Variants in NSD1 observed in about 807,000 individuals in gnomAD.
The protein encoded by NSD1 is nuclear receptor binding SET domain protein 1.
A neutral mutation model predicts 242.7 loss-of-function variants in NSD1; 26 were observed. That is an observed-to-expected ratio of 0.11 (90% confidence interval 0.08 to 0.15). The LOEUF (loss-of-function observed/expected upper bound fraction) is 0.15. Among genes scored for constraint, NSD1 ranks in the 10% least tolerant of loss-of-function variants. The pLI, the probability that NSD1 is intolerant of heterozygous loss-of-function variation, is 1.00. For synonymous variants in NSD1, 1,106 were observed against 1,178.1 expected (o/e 0.94, Z 1.25); for missense variants, 2,495 against 3,272.8 (o/e 0.76, Z 5.80).
At position 177,294,685 on chromosome 5, in the gene NSD1, G is replaced by A. The variant is rs1344027961; in HGVS notation, c.7317G>A (p.Leu2439=). 5.0e-6 allele frequency: 8 copies of A among 1,614,222 alleles called. No individual in the cohort carries two copies. The highest frequency in any genetic ancestry group is 6.8e-6 in the Non-Finnish European group (8 of 1,180,038). ...VQTLVAKEKA[L]RPVDQNTQSK... is the part of the protein sequence containing the mutation. ...CCCTTGTAGCTAAAGAAAAAGCACT[G>A]AGGCCTGTGGACCAGAATACTCAGT... Residue 2439 remains leucine, a synonymous_variant, in exon 23 of 23, where the codon CTG becomes CTA. Coordinates refer to ENST00000439151, the MANE Select transcript of NSD1 (RefSeq NM_022455.5).
At chr5:177,141,009 T>C (rs2149763440) in intron 2 of NSD1, among the ~76,000 whole-genome samples, 1 of 152,078 alleles carries the variant, frequency 6.6e-6, no homozygotes, top group African/African-American at 2.4e-5. Context: ...CCTGGCTGGG[T>C]GACCTTTTTT....
chr5:177,136,908 G>C (rs1756385854), intron 2 of NSD1: 1 of 700,774 alleles, frequency 1.4e-6, no homozygotes, highest in African/African-American at 1.7e-5. Context: ...GCTGGCGTCG[G>C]GACTCCTGGG....
intron 6 of NSD1, among the ~76,000 whole-genome samples, chr5:177,236,683 T>C (rs1765460067): frequency 6.6e-6 from 1 of 152,260 alleles, no homozygotes; most frequent in African/African-American, 2.4e-5. Context: ...TTTCTCTATC[T>C]CCTGTTCTCT....
intron 2 of NSD1, among the ~76,000 whole-genome samples, chr5:177,147,621 C>G (rs1157986985): frequency 6.6e-6 from 1 of 151,300 alleles, no homozygotes; most frequent in East Asian, 1.9e-4. Flanking sequence ...CGGAGTTTCA[C>G]TCTTGTGGAC....
In NSD1 at chr5:177,155,554, G is replaced by A. The variant is rs939007887; in HGVS notation, c.927+19524G>A. Among the ~76,000 whole-genome samples the A allele has an allele frequency of 1.3e-3, 189 of 141,512 alleles. 2 individuals carry two copies. Among genetic ancestry groups the A allele is most frequent in the Non-Finnish European group, 4.2e-4 (28 of 66,260 alleles). The allele number at this position is 141,512 out of a possible 152,430, so 92.8% of individuals were successfully genotyped here. On this transcript the variant is annotated intron_variant, in intron 2 of 22. Coordinates refer to ENST00000439151, the MANE Select transcript of NSD1 (RefSeq NM_022455.5). ...GCTGGGATTATAGGCATAAGCCACC[G>A]CACTGGCTTTTTTTTTTTTTTTTTT... is the stretch of plus-strand genomic sequence containing the variant.
At position 177,211,051 on chromosome 5, in the gene NSD1, A is replaced by G. The variant is rs1060504243; in HGVS notation, c.2652A>G (p.Pro884=). The part of the protein sequence containing the change: ...EDVSDSGTSK[P]SKPLLFSSAS... Reference sequence around the variant, plus strand: ...TCAGTGACTCTGGAACATCAAAGCCATCAAAACCATTACTTTTCTCTTCTG... The same window carrying G: ...TCAGTGACTCTGGAACATCAAAGCCGTCAAAACCATTACTTTTCTCTTCTG... Residue 884 remains proline, a synonymous_variant, in exon 5 of 23, where the codon CCA becomes CCG. Coordinates refer to ENST00000439151, the MANE Select transcript of NSD1 (RefSeq NM_022455.5). 6.2e-7 allele frequency: 1 copy of G among 1,614,248 alleles called. No homozygotes were observed. The highest frequency in any genetic ancestry group is 2.2e-5 in the East Asian group (1 of 44,894).
chr5:177,278,111 T>C (rs1479117640), intron 17 of NSD1, among the ~76,000 whole-genome samples: 2 of 152,190 alleles, frequency 1.3e-5, no homozygotes, highest in Non-Finnish European at 2.9e-5. Context: ...TTCCAAACCT[T>C]ACCAGTGTTT....
At chr5:177,293,277 T>A (rs1021427051) in intron 22 of NSD1, among the ~76,000 whole-genome samples, 1 of 152,194 alleles carries the variant, frequency 6.6e-6, no homozygotes, top group Non-Finnish European at 1.5e-5. Context: ...TCTTTTCTAC[T>A]GATTCCATGT....
rs1756132262 is a variant in NSD1 at position 177,134,472 on chromosome 5, G to T, written c.-18+520G>T. Reference sequence around the variant, plus strand: ...GCTGGCCGCCTCGGTTTCTCCCTCTGCCGGGTCCAGGCCTCTTCGCCCTGC... The same window carrying T: ...GCTGGCCGCCTCGGTTTCTCCCTCTTCCGGGTCCAGGCCTCTTCGCCCTGC... On this transcript the variant is annotated intron_variant, in intron 1 of 22. Coordinates refer to ENST00000439151, the MANE Select transcript of NSD1 (RefSeq NM_022455.5). This position sits in a 1 kb window ranked among gnomAD's most constrained non-coding sequence, Gnocchi z 4.2. Among the ~76,000 whole-genome samples the T allele has an allele frequency of 1.3e-5, 2 of 152,166 alleles. No homozygotes were observed. The highest frequency in any genetic ancestry group is 2.9e-5 in the Non-Finnish European group (2 of 68,016).
At position 177,296,979 on chromosome 5, in the gene NSD1, TAG is replaced by T. The variant is rs970378178; in HGVS notation, c.*1521_*1522del. 1.3e-5 allele frequency: 3 copies of T among 233,214 alleles called. No individual in the cohort carries two copies. Among genetic ancestry groups the T allele is most frequent in the African/African-American group, 6.6e-5 (3 of 45,362 alleles). The allele number at this position is 233,214 out of a possible 1,614,324, so 14.4% of individuals were successfully genotyped here. ...TTAGTTATGGCTTTCACGCTCTCAA[TAG>T]GATTCTGTATTTGGTCCCAATTTCC... is the stretch of plus-strand genomic sequence containing the variant. On this transcript the variant is annotated 3_prime_UTR_variant, in exon 23 of 23. Coordinates refer to ENST00000439151, the MANE Select transcript of NSD1 (RefSeq NM_022455.5).
intron 4 of NSD1, 150 bp downstream of exon 4, chr5:177,204,442 G>T (rs1023203376): frequency 2.8e-6 from 2 of 707,788 alleles, no homozygotes; most frequent in Admixed American, 2.3e-5. Context: ...CAACCTCCGC[G>T]TCCCAGGTTC....
At chr5:177,223,289 A>C (rs1342317472) in intron 5 of NSD1, among the ~76,000 whole-genome samples, 1 of 151,934 alleles carries the variant, frequency 6.6e-6, no homozygotes, top group Non-Finnish European at 1.5e-5. Context: ...CACGGTGGCT[A>C]GGCCGGGCAC....
intron 2 of NSD1, among the ~76,000 whole-genome samples, chr5:177,176,767 A>G (rs1760242902): frequency 6.6e-6 from 1 of 152,106 alleles, no homozygotes; most frequent in Admixed American, 6.6e-5. Context: ...GCTTATAACA[A>G]CTTTGTTTTA....
chr5:177,184,439 T>G (rs74721552), intron 2 of NSD1, among the ~76,000 whole-genome samples: 3,863 of 152,298 alleles, frequency 0.025, 49 homozygotes, highest in African/African-American at 0.029. Context: ...ATTCAGATTT[T>G]TTGTCCATTT....
chr5:177,160,860 C>T (rs570889184), intron 2 of NSD1, among the ~76,000 whole-genome samples: 1 of 151,928 alleles, frequency 6.6e-6, no homozygotes, highest in African/African-American at 2.4e-5. Context: ...CCTCCCCTTC[C>T]CAGGTTGAAG....
At chr5:177,194,233 GA>G (rs1315625670) in intron 3 of NSD1, among the ~76,000 whole-genome samples, 2 of 151,922 alleles carry the variant, frequency 1.3e-5, no homozygotes, top group Non-Finnish European at 2.9e-5. Flanking sequence ...ACTTTGTGGA[GA>G]TTTTTTTCAT....
chr5:177,194,601 T>TA (rs1426153945), intron 3 of NSD1, among the ~76,000 whole-genome samples: 2,452 of 143,768 alleles, frequency 0.017, 37 homozygotes, highest in Non-Finnish European at 0.024. Flanking sequence ...TTTTTTTTTT[T>TA]TAAAAAGGAT....
intron 2 of NSD1, among the ~76,000 whole-genome samples, chr5:177,155,278 C>T (rs568368324): frequency 1.4e-3 from 217 of 151,902 alleles, no homozygotes; most frequent in African/African-American, 5.0e-3. Flanking sequence ...CGTTAGCCAC[C>T]GCGCCTGGCC....
At chr5:177,260,296 C>T (rs975796879) in intron 14 of NSD1, 128 bp downstream of exon 14, 1 of 807,076 alleles carries the variant, frequency 1.2e-6, no homozygotes, top group African/African-American at 1.7e-5. Flanking sequence ...ATTCATCTGC[C>T]ATTCAGGAAA....
Sources: allele counts gnomAD v4.1 joint callset (sites outside exome capture counted in the v4.1 genomes callset), GRCh38; gene constraint gnomAD v4.1.1; non-coding constraint Gnocchi (gnomAD v3.1); transcripts MANE v1.5; gene names NCBI Gene and HGNC (gene_info 2026-07-23, HGNC 2026-07-21).